The following MYT1 variants were observed in gnomAD, a reference collection of about 807,000 sequenced individuals.
MYT1 encodes myelin transcription factor 1.
MYT1 carries 23 observed loss-of-function variants against 123.0 expected under a neutral mutation model. The observed-to-expected ratio is 0.19, with a 90% CI of 0.13 to 0.26. The LOEUF (loss-of-function observed/expected upper bound fraction) is 0.26, where lower values mean the gene tolerates loss of function less well. Among genes scored for constraint, MYT1 ranks in the 10% least tolerant of loss-of-function variants. The pLI is 1.00. For missense variants in MYT1, 1,125 were observed against 1,472.5 expected (o/e 0.76, Z 3.86); for synonymous variants, 518 against 575.3 (o/e 0.90, Z 1.43).
In MYT1 at chr20:64,207,763, G is replaced by C. The variant is rs1414393589; in HGVS notation, c.567G>C (p.Lys189Asn). Residue 189 changes from lysine (K) to asparagine (N), a missense_variant, in exon 7 of 23, where the codon AAG (lysine) becomes AAC (asparagine). Around this residue, in one of 4 missense-constraint regions of MYT1, gnomAD observed 406 missense variants for 432.2 expected, o/e 0.94. Coordinates refer to ENST00000328439, the MANE Select transcript of MYT1 (RefSeq NM_004535.3). ...LVEEDLGQAAKPGPGIVHLLQ... is the reference protein window; with the variant it reads ...LVEEDLGQAANPGPGIVHLLQ... ...AAGAGGACTTGGGCCAGGCGGCCAAGCCAGGTCCTGGCATTGTGCACCTGC... is the reference window on the plus strand; with the variant it reads ...AAGAGGACTTGGGCCAGGCGGCCAACCCAGGTCCTGGCATTGTGCACCTGC... 1 of 1,614,000 alleles carries C rather than the reference G, an allele frequency of 6.2e-7. No individual in the cohort carries two copies. The highest frequency in any genetic ancestry group is 8.5e-7 in the Non-Finnish European group (1 of 1,180,010).
At position 64,239,762 on chromosome 20, in the gene MYT1, C is replaced by G. The variant is rs763728422; in HGVS notation, c.3096C>G (p.Ile1032Met). The change falls in exon 22 of 23, where the codon ATC (isoleucine) becomes ATG (methionine). Residue 1032 changes from isoleucine to methionine, a missense_variant and splice_region_variant. Ile to Met is a conservative substitution (Grantham distance 10, BLOSUM62 1). Transcript: ENST00000328439. ...CTTCGAATCTCTCTCTGGCACAGAT[C>G]TCCTCCATGGAGAAGAACCTGAAGA... ...EAAMVQLQSQ[I>M]SSMEKNLKNI... The G allele has an allele frequency of 1.2e-6, 2 of 1,613,900 alleles. No individual in the cohort carries two copies. The highest frequency in any genetic ancestry group is 1.7e-6 in the Non-Finnish European group (2 of 1,179,974).
rs561117763 is a variant in MYT1, at chr20:64,188,817, C to T, written c.-98-1246C>T. On this transcript the variant is annotated intron_variant, in intron 1 of 22. Transcript: ENST00000328439. ...GCTCCCTCCTCACTAGTCCAGGCAC[C>T]GGAGCCTGCGGTGGGAGCCCTGTCA... is the stretch of plus-strand genomic sequence containing the variant. Among the ~76,000 whole-genome samples the T allele has an allele frequency of 1.1e-3, 169 of 152,308 alleles. 1 individual carries two copies. Among genetic ancestry groups the T allele is most frequent in the African/African-American group, 3.7e-3 (155 of 41,564 alleles).
chr20:64,223,341 C>T lies in MYT1; in HGVS notation c.2510C>T (p.Ala837Val), dbSNP rs1391717305. Reference protein sequence around the residue: ...ADKSLRNLMAAHSADLKCPTP... With the variant: ...ADKSLRNLMAVHSADLKCPTP... ...AAGAGCCTCAGAAACCTCATGGCTG[C>T]CCACTCTGCTGACCTCAAGTATGTT... The change falls in exon 16 of 23, where the codon GCC (alanine) becomes GTC (valine). Residue 837 changes from alanine (A) to valine (V), a missense_variant. Ala to Val is a moderately conservative substitution (Grantham distance 64). Coordinates refer to ENST00000328439, the MANE Select transcript of MYT1 (RefSeq NM_004535.3). 6.2e-7 allele frequency: 1 copy of T among 1,614,134 alleles called. No homozygotes were observed. The highest frequency in any genetic ancestry group is 1.7e-5 in the Admixed American group (1 of 60,030).
rs779131517 is a variant in MYT1 at position 64,218,781 on chromosome 20, T to C, written c.1847-130T>C. The C allele has an allele frequency of 4.1e-6, 5 of 1,212,930 alleles. No individual in the cohort carries two copies. In the South Asian group the frequency reaches 4.9e-5, roughly 12 times the overall value. 75.1% of individuals were successfully genotyped at this position (1,212,930 alleles called of 1,614,324 possible). A position where few individuals can be genotyped will look rare whatever the true frequency, so the allele number is the denominator to read the frequency against. Reference sequence around the variant, plus strand: ...CTCCCCACTGACTTGTCTGCATTGCTGCCTCTTTTCAAGTTGTATATCAGC... The same window carrying C: ...CTCCCCACTGACTTGTCTGCATTGCCGCCTCTTTTCAAGTTGTATATCAGC... On this transcript the variant is annotated intron_variant, in intron 11 of 22. Transcript: ENST00000328439. The surrounding 1 kb of genome is among the most constrained non-coding windows in gnomAD (Gnocchi z 4.0).
chr20:64,214,783 G>A (rs1204501015), intron 10 of MYT1, among the ~76,000 whole-genome samples: 1 of 152,228 alleles, frequency 6.6e-6, no homozygotes, highest in Non-Finnish European at 1.5e-5. Context: ...TGACTGCATA[G>A]CCCCTTCCAC....
chr20:64,199,759 G>A (rs1812592113), intron 3 of MYT1, 133 bp from the exon 4 acceptor site: 1 of 1,020,662 alleles, frequency 9.8e-7, no homozygotes, highest in African/African-American at 1.6e-5. Context: ...AAACGGCTCA[G>A]GTCTCACTGA....
chr20:64,230,217 A>G (rs567890752), intron 18 of MYT1, among the ~76,000 whole-genome samples: 10 of 152,342 alleles, frequency 6.6e-5, no homozygotes, highest in Non-Finnish European at 1.2e-4. Context: ...GGGAGTGAAA[A>G]TAACTCAGAT....
At chr20:64,215,142 G>A (rs1021551136) in intron 10 of MYT1, among the ~76,000 whole-genome samples, 1 of 152,166 alleles carries the variant, frequency 6.6e-6, no homozygotes, top group Admixed American at 6.5e-5. Flanking sequence ...CCTGTCAGTT[G>A]CTAATTCAAT....
Position 64,231,865 on chromosome 20 carries a change from C to A in MYT1, c.2676-299C>A, listed in dbSNP as rs1984329599. 6.6e-6 allele frequency among the ~76,000 whole-genome samples: 1 copy of A among 152,176 alleles called. No homozygotes were observed. The highest frequency in any genetic ancestry group is 2.4e-5 in the African/African-American group (1 of 41,440). ...GGCTTGGAGGGAACCTGAGAGCAGC[C>A]CCCAGGCCCAGGGTCACGGCTGCTG... On this transcript the variant is annotated intron_variant, in intron 18 of 22. Transcript: ENST00000328439. This position sits in a 1 kb window ranked among gnomAD's most constrained non-coding sequence, Gnocchi z 6.4.
intron 4 of MYT1, among the ~76,000 whole-genome samples, chr20:64,201,042 G>T (rs956034534): frequency 1.3e-5 from 2 of 152,208 alleles, no homozygotes; most frequent in Non-Finnish European, 2.9e-5. Context: ...AAGAGGAGGT[G>T]CCACGTGGAG....
chr20:64,198,997 C>G, intron 3 of MYT1, 81 bp downstream of exon 3: 1 of 1,448,318 alleles, frequency 6.9e-7, no homozygotes, highest in Non-Finnish European at 9.7e-7. Flanking sequence ...AACCCCTAAC[C>G]ACACATGTGC....
At chr20:64,228,117 A>G (rs943835744) in intron 18 of MYT1, 146 bp downstream of exon 18, 2 of 729,110 alleles carry the variant, frequency 2.7e-6, no homozygotes, top group African/African-American at 3.6e-5. Context: ...CGTTTCTTTC[A>G]TTTTTATGGA....
chr20:64,222,234 G>A (rs1394138905), intron 14 of MYT1, among the ~76,000 whole-genome samples, 187 bp downstream of exon 14: 1 of 152,192 alleles, frequency 6.6e-6, no homozygotes, highest in Non-Finnish European at 1.5e-5. Context: ...CCTTTGTGTT[G>A]TGCTGGGCTT....
In MYT1 at chr20:64,223,370, G is replaced by C; in HGVS notation, c.2528+11G>C. 6.2e-7 allele frequency: 1 copy of C among 1,613,836 alleles called. No individual in the cohort carries two copies. Among genetic ancestry groups the C allele is most frequent in the Non-Finnish European group, 8.5e-7 (1 of 1,179,868 alleles). ...CTCTGCTGACCTCAAGTATGTTTGCGCTCCCTGACCTCCTGTCTCTTGGGC... is the reference window on the plus strand; with the variant it reads ...CTCTGCTGACCTCAAGTATGTTTGCCCTCCCTGACCTCCTGTCTCTTGGGC... On this transcript the variant is annotated intron_variant, in intron 16 of 22. Coordinates refer to ENST00000328439, the MANE Select transcript of MYT1 (RefSeq NM_004535.3).
At chr20:64,225,467 C>T (rs933108893) in intron 16 of MYT1, among the ~76,000 whole-genome samples, 1 of 152,234 alleles carries the variant, frequency 6.6e-6, no homozygotes, top group Admixed American at 6.5e-5. Context: ...ACATGGCCGC[C>T]TCGGGCCACT....
At position 64,232,344 on chromosome 20, in the gene MYT1, C is replaced by T. The variant is rs149250129; in HGVS notation, c.2856C>T (p.Asp952=). The change falls in exon 19 of 23, where the codon GAC becomes GAT. Residue 952 remains aspartate, a synonymous_variant. Coordinates refer to ENST00000328439, the MANE Select transcript of MYT1 (RefSeq NM_004535.3). The surrounding 1 kb of genome is among the most constrained non-coding windows in gnomAD (Gnocchi z 6.9). ...CGACCTGCCCCACCCCGGGCTGTGA[C>T]GGCTCTGGCCACGCCAATGGGAGTT... ...EGPTCPTPGC[D]GSGHANGSFL... The T allele has an allele frequency of 8.7e-5, 141 of 1,613,018 alleles. No homozygotes were observed. The highest frequency in any genetic ancestry group is 2.2e-4 in the East Asian group (10 of 44,884).
At chr20:64,211,549 C>T (rs1408446402) in intron 8 of MYT1, among the ~76,000 whole-genome samples, 1 of 152,220 alleles carries the variant, frequency 6.6e-6, no homozygotes, top group Admixed American at 6.5e-5. Flanking sequence ...GCCCTGCAAC[C>T]AGCCCATTTG....
chr20:64,232,216 T>G lies in MYT1; in HGVS notation c.2728T>G (p.Ser910Ala), dbSNP rs1175959068. 6.2e-7 allele frequency: 1 copy of G among 1,613,062 alleles called. No homozygotes were observed. The highest frequency in any genetic ancestry group is 1.7e-5 in the Admixed American group (1 of 60,020). The change falls in exon 19 of 23, where the codon TCT (serine) becomes GCT (alanine). Residue 910 changes from serine to alanine, a missense_variant. Ser to Ala is a moderately conservative substitution (Grantham distance 99, BLOSUM62 1). This residue lies in a region of MYT1 where 243 missense variants were observed against 323.1 expected (regional missense o/e 0.75). Transcript: ENST00000328439. This position sits in a 1 kb window ranked among gnomAD's most constrained non-coding sequence, Gnocchi z 6.9. ...GLGHISGKYA[S>A]HRSASGCPLA... ...CGGTCACATCAGCGGGAAATACGCC[T>G]CTCACAGGAGCGCATCCGGCTGCCC...
At chr20:64,223,385 G>C in intron 16 of MYT1, 26 bp downstream of exon 16, 1 of 1,613,260 alleles carries the variant, frequency 6.2e-7, no homozygotes, top group Non-Finnish European at 8.5e-7. Flanking sequence ...CTGACCTCCT[G>C]TCTCTTGGGC....
Sources: gnomAD v4.1 joint callset for allele counts (sites outside exome capture counted in the v4.1 genomes callset) on GRCh38, gnomAD v4.1.1 for gene constraint, gnomAD v4.1.1 regional missense constraint, Gnocchi (gnomAD v3.1) non-coding constraint, MANE v1.5 for transcripts, NCBI Gene and HGNC (gene_info 2026-07-23, HGNC 2026-07-21) for gene names.